Variants in ADAP2 observed in about 807,000 individuals in gnomAD.
ADAP2 encodes arf-GAP with dual PH domain-containing protein 2.
ADAP2 carries 42 observed loss-of-function variants against 54.9 expected under a neutral mutation model. The ratio of observed to expected loss-of-function variants is 0.77; its 90% confidence interval spans 0.60 to 0.99. The LOEUF (loss-of-function observed/expected upper bound fraction) is 0.99, where lower values mean the gene tolerates loss of function less well. Among genes scored for constraint, ADAP2 ranks in the 50% least tolerant of loss-of-function variants. ADAP2 has a pLI of 0.00. For missense variants in ADAP2, 429 were observed against 480.4 expected, an observed-to-expected ratio of 0.89 and a Z score of 1.00; for synonymous variants, 177 against 180.1, an observed-to-expected ratio of 0.98 and a Z score of 0.14.
intron 5 of ADAP2, among the ~76,000 whole-genome samples, chr17:30,941,910 TA>T (rs1185300495): frequency 6.6e-6 from 1 of 151,974 alleles, no homozygotes; most frequent in Non-Finnish European, 1.5e-5. Context: ...AAAATCAAAC[TA>T]TTTTTTTTTT....
intron 5 of ADAP2, among the ~76,000 whole-genome samples, chr17:30,942,126 G>C (rs1024721295): frequency 1.3e-5 from 2 of 152,040 alleles, no homozygotes; most frequent in Admixed American, 6.6e-5. Flanking sequence ...GGATGGTCTC[G>C]ATCTCTCAAC....
intron 5 of ADAP2, among the ~76,000 whole-genome samples, chr17:30,935,545 A>C (rs1034620001): frequency 1.3e-5 from 2 of 152,086 alleles, no homozygotes; most frequent in African/African-American, 4.8e-5. Flanking sequence ...GGAAGAATAG[A>C]AGAAAGGGGA....
intron 7 of ADAP2, among the ~76,000 whole-genome samples, chr17:30,951,935 G>A (rs1004444301): frequency 6.6e-6 from 1 of 152,178 alleles, no homozygotes; most frequent in Non-Finnish European, 1.5e-5. Context: ...GATTACAGGC[G>A]TGAGCCACTG....
chr17:30,924,419 G>C (rs1432775564), intron 2 of ADAP2, among the ~76,000 whole-genome samples: 1 of 152,044 alleles, frequency 6.6e-6, no homozygotes, highest in Admixed American at 6.6e-5. Context: ...CTTGGACTGG[G>C]GGAAGGGAAA....
rs569256707 is a variant in ADAP2, at chr17:30,948,361, G to A, written c.658-926G>A. On this transcript the variant is annotated intron_variant, in intron 6 of 10. Coordinates refer to ENST00000330889, the MANE Select transcript of ADAP2 (RefSeq NM_018404.3). ...TGGGAGGCCGAGGCGGGCAGATCAC[G>A]AGACCATCCTGGCTAACGTGGTGAA... Among the ~76,000 whole-genome samples, 21 of 151,388 alleles carry A rather than the reference G, an allele frequency of 1.4e-4. No homozygotes were observed. The East Asian group carries it at 2.1e-3, about 15-fold the overall frequency.
intron 5 of ADAP2, among the ~76,000 whole-genome samples, chr17:30,944,396 G>A (rs1912498214): frequency 6.6e-6 from 1 of 152,030 alleles, no homozygotes; most frequent in African/African-American, 2.4e-5. Flanking sequence ...CAGCACTTTG[G>A]TAGGCCAAGG....
chr17:30,934,990 C>T (rs1208366485), intron 5 of ADAP2, among the ~76,000 whole-genome samples: 1 of 152,180 alleles, frequency 6.6e-6, no homozygotes, highest in South Asian at 2.1e-4. Context: ...GAGGTCGAGG[C>T]TGCATTGAGC....
At chr17:30,937,256 C>T (rs1477839537) in intron 5 of ADAP2, among the ~76,000 whole-genome samples, 1 of 151,616 alleles carries the variant, frequency 6.6e-6, no homozygotes, top group Non-Finnish European at 1.5e-5. Context: ...GGATTTCACT[C>T]TATTGCTCAG....
chr17:30,934,345 C>T, intron 5 of ADAP2, 48 bp downstream of exon 5: 1 of 1,300,150 alleles, frequency 7.7e-7, no homozygotes, highest in Non-Finnish European at 1.1e-6. Flanking sequence ...AGCACTCTCA[C>T]CCGACTAAGG....
At chr17:30,922,154 C>G (rs1910659240) in intron 1 of ADAP2, 46 bp downstream of exon 1, 3 of 1,194,738 alleles carry the variant, frequency 2.5e-6, no homozygotes, top group South Asian at 8.1e-5. Flanking sequence ...CGGCCGGACC[C>G]CAGGCCCACC....
At chr17:30,952,800 G>C (rs892189335) in intron 7 of ADAP2, among the ~76,000 whole-genome samples, 1 of 152,108 alleles carries the variant, frequency 6.6e-6, no homozygotes, top group African/African-American at 2.4e-5. Context: ...GTACAGTCTA[G>C]TGTCATTGGC....
intron 5 of ADAP2, 21 bp downstream of exon 5, chr17:30,934,318 G>C (rs1255449283): frequency 6.4e-7 from 1 of 1,554,276 alleles, no homozygotes; most frequent in Middle Eastern, 1.7e-4. Flanking sequence ...AGACCAATGA[G>C]AGCAGGTCCC....
chr17:30,951,759 C>T (rs1395215264), intron 7 of ADAP2, among the ~76,000 whole-genome samples: 1 of 151,370 alleles, frequency 6.6e-6, no homozygotes, highest in Non-Finnish European at 1.5e-5. Context: ...AGGTTCACGC[C>T]ATTCTCCTGC....
At chr17:30,930,586 G>A (rs900124653) in intron 3 of ADAP2, among the ~76,000 whole-genome samples, 6 of 152,096 alleles carry the variant, frequency 3.9e-5, no homozygotes, top group Non-Finnish European at 5.9e-5. Context: ...GCAGGTGCCA[G>A]GCTATACCTT....
intron 7 of ADAP2, 69 bp from the exon 8 acceptor site, chr17:30,953,219 G>C (rs1472445691): frequency 2.0e-6 from 3 of 1,490,408 alleles, no homozygotes; most frequent in Non-Finnish European, 2.8e-6. Flanking sequence ...TTTGTCGGGA[G>C]CCAAGCTCGG....
chr17:30,944,855 A>C, intron 5 of ADAP2, 52 bp from the exon 6 acceptor site: 1 of 1,577,414 alleles, frequency 6.3e-7, no homozygotes, highest in Non-Finnish European at 8.6e-7. Flanking sequence ...AAGGTTGACC[A>C]GAAGTCACCC....
chr17:30,935,723 T>C (rs1216569062), intron 5 of ADAP2, among the ~76,000 whole-genome samples: 1 of 152,188 alleles, frequency 6.6e-6, no homozygotes, highest in Non-Finnish European at 1.5e-5. Context: ...TTTTATGCAG[T>C]GCACAAACGA....
chr17:30,944,863 C>A, intron 5 of ADAP2, 44 bp from the exon 6 acceptor site: 1 of 1,599,046 alleles, frequency 6.3e-7, no homozygotes, highest in Non-Finnish European at 8.5e-7. Context: ...CCAGAAGTCA[C>A]CCTGTGGACT....
chr17:30,945,940 TCAGGAGA>T (rs1912639472), intron 6 of ADAP2, among the ~76,000 whole-genome samples: 2 of 142,526 alleles, frequency 1.4e-5, no homozygotes, highest in Non-Finnish European at 3.0e-5. Context: ...GATCACGAGG[TCAGGAGA>T]TCGAGACCAT....
Sources: gnomAD v4.1 joint callset for allele counts (sites outside exome capture counted in the v4.1 genomes callset) on GRCh38, gnomAD v4.1.1 for gene constraint, MANE v1.5 for transcripts, NCBI Gene and HGNC (gene_info 2026-07-23, HGNC 2026-07-21) for gene names.